The following TYW1 variants were observed in gnomAD, a reference collection of about 807,000 sequenced individuals.
TYW1 encodes the protein S-adenosyl-L-methionine-dependent tRNA 4-demethylwyosine synthase TYW1.
A neutral mutation model predicts 96.2 loss-of-function variants in TYW1; 46 were observed. That is an observed-to-expected ratio of 0.48 (90% CI 0.38 to 0.61). The LOEUF (loss-of-function observed/expected upper bound fraction) is 0.61, where lower values mean the gene tolerates loss of function less well. TYW1 is among the 20% of genes least tolerant of loss of function. The pLI, the probability that TYW1 is intolerant of heterozygous loss-of-function variation, is 0.00. For missense variants in TYW1, 684 were observed against 909.6 expected, an observed-to-expected ratio of 0.75 and a Z score of 3.19; for synonymous variants, 274 against 323.0, an observed-to-expected ratio of 0.85 and a Z score of 1.63.
At chr7:67,113,635 CTTTTTCTTTCTTTTTT>C (rs1797497383) in intron 12 of TYW1, among the ~76,000 whole-genome samples, 1 of 130,492 alleles carries the variant, frequency 7.7e-6, no homozygotes, top group Non-Finnish European at 1.6e-5. Flanking sequence ...CTTTCTTTTT[CTTTTTCTTTCTTTTTT>C]TTTTTGATGT....
chr7:67,214,698 T>C (rs1276508102), intron 15 of TYW1, among the ~76,000 whole-genome samples: 1 of 151,760 alleles, frequency 6.6e-6, no homozygotes, highest in Non-Finnish European at 1.5e-5. Context: ...TGCTGAGGGT[T>C]TTTAATCATA....
chr7:67,204,858 AT>A (rs1800730020), intron 15 of TYW1, among the ~76,000 whole-genome samples: 2 of 152,080 alleles, frequency 1.3e-5, no homozygotes, highest in Non-Finnish European at 2.9e-5. Flanking sequence ...CCTCCCTGGG[AT>A]TACAGGCATG....
intron 12 of TYW1, 88 bp downstream of exon 12, chr7:67,098,806 G>T: frequency 1.5e-6 from 2 of 1,334,300 alleles, no homozygotes; most frequent in Non-Finnish European, 2.0e-6. Flanking sequence ...AATCAAATAG[G>T]ATTTATTGAT....
At chr7:67,004,821 T>C (rs1793514919) in intron 3 of TYW1, among the ~76,000 whole-genome samples, 1 of 152,196 alleles carries the variant, frequency 6.6e-6, no homozygotes, top group Non-Finnish European at 1.5e-5. Flanking sequence ...AGTGGTGCGA[T>C]CTCAGCTCAC....
chr7:67,149,399 T>C (rs1257775144), intron 13 of TYW1, among the ~76,000 whole-genome samples: 1 of 152,174 alleles, frequency 6.6e-6, no homozygotes, highest in African/African-American at 2.4e-5. Context: ...GATGGCTTGC[T>C]CTTCTGATGT....
At chr7:67,045,282 C>T (rs1795152000) in intron 7 of TYW1, among the ~76,000 whole-genome samples, 1 of 151,958 alleles carries the variant, frequency 6.6e-6, no homozygotes, top group South Asian at 2.1e-4. Flanking sequence ...GTGATCATAG[C>T]TCACCACAGC....
intron 13 of TYW1, among the ~76,000 whole-genome samples, chr7:67,133,653 C>A (rs1216886213): frequency 7.5e-6 from 1 of 133,400 alleles, no homozygotes; most frequent in Non-Finnish European, 1.6e-5. Context: ...TTTGGAATTA[C>A]AGGTGTGAGC....
chr7:67,134,613 C>T (rs1441247566), intron 13 of TYW1, among the ~76,000 whole-genome samples: 9 of 151,448 alleles, frequency 5.9e-5, no homozygotes, highest in African/African-American at 1.7e-4. Flanking sequence ...GGGTGCATGT[C>T]GGAGAACCCA....
At chr7:67,154,229 C>T (rs903392643) in intron 13 of TYW1, among the ~76,000 whole-genome samples, 7 of 152,072 alleles carry the variant, frequency 4.6e-5, no homozygotes, top group South Asian at 2.1e-4. Flanking sequence ...GCCCATTTAA[C>T]GACTTTCTGA....
rs568627340 is a variant in TYW1 at position 67,133,436 on chromosome 7, C to A, written c.1698+15818C>A. Among the ~76,000 whole-genome samples the A allele has an allele frequency of 9.2e-5, 14 of 152,196 alleles. 1 individual carries two copies. The South Asian group carries it at 1.9e-3, about 20-fold the overall frequency. On this transcript the variant is annotated intron_variant, in intron 13 of 15. Transcript: ENST00000359626. ...GGGATTGTCCGGGCACGGTGGCTTACACCTGTAATCCCCAGCACTTTGGGA... is the reference window on the plus strand; with the variant it reads ...GGGATTGTCCGGGCACGGTGGCTTAAACCTGTAATCCCCAGCACTTTGGGA...
intron 4 of TYW1, among the ~76,000 whole-genome samples, chr7:67,011,494 C>T (rs1793793297): frequency 6.6e-6 from 1 of 152,194 alleles, no homozygotes; most frequent in South Asian, 2.1e-4. Context: ...TGTGAACTTG[C>T]TAGAAATGCA....
chr7:67,064,479 A>G (rs569696464), intron 9 of TYW1, among the ~76,000 whole-genome samples: 188 of 152,294 alleles, frequency 1.2e-3, no homozygotes, highest in Non-Finnish European at 2.0e-3. Context: ...AGACATACCC[A>G]AGACTGGGAA....
intron 15 of TYW1, among the ~76,000 whole-genome samples, chr7:67,199,349 A>G (rs1800513364): frequency 6.6e-6 from 1 of 152,130 alleles, no homozygotes; most frequent in African/African-American, 2.4e-5. Flanking sequence ...CGGTGTCCAC[A>G]TCTCCCTCGT....
At chr7:67,001,009 A>G (rs1283591172) in intron 3 of TYW1, among the ~76,000 whole-genome samples, 2 of 152,074 alleles carry the variant, frequency 1.3e-5, no homozygotes, top group African/African-American at 4.8e-5. Context: ...AAGGTGTCTG[A>G]GCAGCCAAAG....
intron 9 of TYW1, among the ~76,000 whole-genome samples, chr7:67,059,261 G>A (rs1434975301): frequency 1.3e-5 from 2 of 151,402 alleles, no homozygotes; most frequent in African/African-American, 2.4e-5. Context: ...CACCACTCCC[G>A]GCTAATTTTT....
chr7:67,087,303 C>T (rs1216214450), intron 11 of TYW1, among the ~76,000 whole-genome samples: 1 of 152,094 alleles, frequency 6.6e-6, no homozygotes, highest in Non-Finnish European at 1.5e-5. Context: ...CAATAGTGAC[C>T]TTAGGCTTAA....
At chr7:67,144,294 A>G (rs554391808) in intron 13 of TYW1, among the ~76,000 whole-genome samples, 10 of 152,334 alleles carry the variant, frequency 6.6e-5, no homozygotes, top group African/African-American at 2.2e-4. Flanking sequence ...AAAATAAGAA[A>G]AATGGTTTTA....
At chr7:67,234,348 TAAA>T (rs57100190) in intron 15 of TYW1, among the ~76,000 whole-genome samples, 7 of 93,334 alleles carry the variant, frequency 7.5e-5, no homozygotes, top group Non-Finnish European at 8.4e-5. Context: ...ACCTATCTCT[TAAA>T]AAAAAAAAAA....
At chr7:67,133,456 T>C (rs1337849617) in intron 13 of TYW1, among the ~76,000 whole-genome samples, 1 of 151,960 alleles carries the variant, frequency 6.6e-6, no homozygotes, top group Non-Finnish European at 1.5e-5. Context: ...CCCCAGCACT[T>C]TGGGAGGCCA....
Sources: allele counts gnomAD v4.1 joint callset (sites outside exome capture counted in the v4.1 genomes callset), GRCh38; gene constraint gnomAD v4.1.1; transcripts MANE v1.5; gene names NCBI Gene and HGNC (gene_info 2026-07-23, HGNC 2026-07-21).